Variants in SMARCC1 observed in about 807,000 individuals in gnomAD.
SMARCC1 encodes SWI/SNF complex subunit SMARCC1.
In SMARCC1, 43 loss-of-function variants were observed where a neutral mutation model predicts 147.4. The observed-to-expected ratio is 0.29, with a 90% CI of 0.23 to 0.38. The LOEUF is 0.38. Ranked by LOEUF, SMARCC1 falls within the 10% of genes least tolerant of loss-of-function variation. The pLI is 1.00. For missense variants in SMARCC1, 1,119 were observed against 1,381.1 expected, an observed-to-expected ratio of 0.81 and a Z score of 3.01; for synonymous variants, 495 against 484.4, an observed-to-expected ratio of 1.02 and a Z score of -0.29.
chr3:47,613,667 AT>A (rs2032595990), intron 25 of SMARCC1, among the ~76,000 whole-genome samples: 1 of 152,166 alleles, frequency 6.6e-6, no homozygotes, highest in Admixed American at 6.5e-5. Context: ...CTTTTTATTT[AT>A]GATTTGAAAA....
At position 47,610,281 on chromosome 3, in the gene SMARCC1, T is replaced by C; in HGVS notation, c.2828A>G (p.His943Arg). ...TTCAGCATACTTCAGCTGTTCCATG[T>C]GGAAGTTTTGGCGTTCAGTAAGCAA... ...QQLLTERQNFHMEQLKYAELR... is the reference protein window; with the variant it reads ...QQLLTERQNFRMEQLKYAELR... Residue 943 changes from histidine (H) to arginine (R), a missense_variant, in exon 26 of 28, where the codon CAC (histidine) becomes CGC (arginine). His to Arg is a conservative substitution (Grantham distance 29). Transcript: ENST00000254480. 2 of 1,614,214 alleles carry C rather than the reference T, an allele frequency of 1.2e-6. No individual in the cohort carries two copies. Among genetic ancestry groups the C allele is most frequent in the Non-Finnish European group, 1.7e-6 (2 of 1,180,034 alleles).
chr3:47,644,539 G>A (rs988501243), intron 21 of SMARCC1, among the ~76,000 whole-genome samples: 1 of 152,056 alleles, frequency 6.6e-6, no homozygotes, highest in African/African-American at 2.4e-5. Flanking sequence ...CTGGAGTCTC[G>A]CTCTATCACC....
chr3:47,732,195 T>A (rs1029145988), intron 5 of SMARCC1, among the ~76,000 whole-genome samples: 1 of 152,206 alleles, frequency 6.6e-6, no homozygotes, highest in Non-Finnish European at 1.5e-5. Flanking sequence ...TTAGGCAACC[T>A]CTGCTGGCTT....
intron 24 of SMARCC1, among the ~76,000 whole-genome samples, chr3:47,628,314 C>G (rs530085840): frequency 2.0e-5 from 3 of 152,202 alleles, no homozygotes; most frequent in African/African-American, 7.2e-5. Context: ...AACCACTGTC[C>G]CTAGTTTTAA....
chr3:47,713,732 T>C (rs1013484339), intron 8 of SMARCC1, among the ~76,000 whole-genome samples: 2 of 152,174 alleles, frequency 1.3e-5, no homozygotes, highest in East Asian at 3.8e-4. Context: ...AAAGTCAATG[T>C]ATGGACTCTT....
chr3:47,732,799 A>G (rs1431030745), intron 5 of SMARCC1, among the ~76,000 whole-genome samples: 1 of 152,176 alleles, frequency 6.6e-6, no homozygotes, highest in East Asian at 1.9e-4. Context: ...ACAGATCACT[A>G]TAACATGTAT....
At chr3:47,730,183 A>G (rs576840939) in intron 5 of SMARCC1, among the ~76,000 whole-genome samples, 1 of 152,204 alleles carries the variant, frequency 6.6e-6, no homozygotes. Flanking sequence ...AAAAAATAAA[A>G]AATAAAAAAA....
chr3:47,680,571 G>C (rs776618550), intron 14 of SMARCC1, 63 bp from the exon 15 acceptor site: 4 of 753,858 alleles, frequency 5.3e-6, no homozygotes, highest in Non-Finnish European at 7.5e-6. Context: ...TTTTTGAGAC[G>C]GAGTCTCGCT....
chr3:47,769,572 T>A (rs2034883556), intron 2 of SMARCC1, among the ~76,000 whole-genome samples: 1 of 151,826 alleles, frequency 6.6e-6, no homozygotes, highest in Admixed American at 6.6e-5. Context: ...GAAAATCCCA[T>A]CCTCCCCCAC....
chr3:47,703,074 C>T (rs752748836), intron 10 of SMARCC1, among the ~76,000 whole-genome samples: 10 of 152,182 alleles, frequency 6.6e-5, no homozygotes, highest in African/African-American at 2.2e-4. Flanking sequence ...ATTACAAGGG[C>T]GCTCAATCAC....
chr3:47,643,316 T>C (rs1009531814), intron 21 of SMARCC1, among the ~76,000 whole-genome samples: 4 of 152,202 alleles, frequency 2.6e-5, no homozygotes, highest in Admixed American at 6.5e-5. Context: ...AAATCCTGTG[T>C]ATGTGCACTG....
intron 22 of SMARCC1, among the ~76,000 whole-genome samples, chr3:47,637,627 G>A (rs1014439460): frequency 1.3e-5 from 2 of 151,918 alleles, no homozygotes; most frequent in African/African-American, 4.8e-5. Flanking sequence ...CAGGAGAATT[G>A]CTTGAACTCA....
At chr3:47,702,023 T>C (rs1337948674) in intron 10 of SMARCC1, among the ~76,000 whole-genome samples, 1 of 152,002 alleles carries the variant, frequency 6.6e-6, no homozygotes, top group African/African-American at 2.4e-5. Flanking sequence ...AAATATGATA[T>C]ATTCTAAGAT....
At chr3:47,687,418 G>A (rs1015577650) in intron 13 of SMARCC1, among the ~76,000 whole-genome samples, 5 of 152,162 alleles carry the variant, frequency 3.3e-5, no homozygotes, top group African/African-American at 1.2e-4. Context: ...TGCAATTAAT[G>A]AAGGCCAACA....
At chr3:47,696,905 G>A (rs1459074530) in intron 11 of SMARCC1, among the ~76,000 whole-genome samples, 1 of 152,184 alleles carries the variant, frequency 6.6e-6, no homozygotes, top group African/African-American at 2.4e-5. Context: ...CCTTAGCCCA[G>A]GCTGCAGTGC....
chr3:47,771,671 G>A lies in SMARCC1; in HGVS notation c.315+1146C>T, dbSNP rs1007905356. ...AGGCAGGAGAATCGCTTGAACCCGG[G>A]AGGCAGAGGTTGCAGTGAGCCAAGA... On this transcript the variant is annotated intron_variant, in intron 2 of 27. Coordinates refer to ENST00000254480, the MANE Select transcript of SMARCC1 (RefSeq NM_003074.4). 1.4e-4 allele frequency among the ~76,000 whole-genome samples: 22 copies of A among 152,128 alleles called. 1 individual carries two copies. The highest frequency in any genetic ancestry group is 2.9e-4 in the Non-Finnish European group (20 of 68,034).
At chr3:47,590,229 A>G (rs896443166) in intron 27 of SMARCC1, among the ~76,000 whole-genome samples, 3 of 152,248 alleles carry the variant, frequency 2.0e-5, no homozygotes, top group African/African-American at 4.8e-5. Flanking sequence ...AAAAATGGCT[A>G]TAAGAAACAT....
chr3:47,773,789 C>A (rs2034942893), intron 1 of SMARCC1, among the ~76,000 whole-genome samples: 1 of 151,684 alleles, frequency 6.6e-6, no homozygotes, highest in South Asian at 2.1e-4. Context: ...AACCACCATG[C>A]CCGGCTAATT....
intron 6 of SMARCC1, among the ~76,000 whole-genome samples, chr3:47,726,101 G>T (rs887595150): frequency 3.0e-5 from 4 of 134,480 alleles, no homozygotes; most frequent in Non-Finnish European, 6.3e-5. Context: ...CATGGTATGT[G>T]GATTATATCT....
Sources: allele counts gnomAD v4.1 joint callset (sites outside exome capture counted in the v4.1 genomes callset), GRCh38; gene constraint gnomAD v4.1.1; transcripts MANE v1.5; gene names NCBI Gene and HGNC (gene_info 2026-07-23, HGNC 2026-07-21).